The following MAP3K4 variants were observed in gnomAD, a reference collection of about 807,000 sequenced individuals.
MAP3K4 encodes the protein MAP three kinase 1.
Under a neutral mutation model 185.6 loss-of-function variants are expected in MAP3K4, and 67 were observed. The ratio of observed to expected loss-of-function variants is 0.36; its 90% CI spans 0.30 to 0.44. The LOEUF is 0.44. MAP3K4 is among the 20% of genes least tolerant of loss of function. MAP3K4 has a pLI of 1.00. For synonymous variants in MAP3K4, 702 were observed against 710.4 expected, an observed-to-expected ratio of 0.99 and a Z score of 0.19; for missense variants, 1,551 against 1,995.1, an observed-to-expected ratio of 0.78 and a Z score of 4.24.
At chr6:161,092,917 C>T (rs1204085604) in intron 13 of MAP3K4, 61 bp from the exon 14 acceptor site, 4 of 1,003,688 alleles carry the variant, frequency 4.0e-6, no homozygotes, top group Admixed American at 1.7e-5. Context: ...ATTGTACAGT[C>T]TAAAACTGCT....
intron 3 of MAP3K4, among the ~76,000 whole-genome samples, chr6:161,059,032 T>C (rs1784371650): frequency 6.6e-6 from 1 of 152,138 alleles, no homozygotes; most frequent in Admixed American, 6.5e-5. Flanking sequence ...GCCAAATTGC[T>C]CTCCAAAAAG....
Position 161,007,905 on chromosome 6 carries a change from A to T in MAP3K4, c.152+15822A>T, listed in dbSNP as rs1781668043. Among the ~76,000 whole-genome samples the T allele has an allele frequency of 6.6e-6, 1 of 152,228 alleles. No individual in the cohort carries two copies. Among genetic ancestry groups the T allele is most frequent in the South Asian group, 2.1e-4 (1 of 4,832 alleles). ...TTTATATCAGTTGTAGGGTACGGTGAAATATCAGAGATGTTAAAATTAGGG... is the reference window on the plus strand; with the variant it reads ...TTTATATCAGTTGTAGGGTACGGTGTAATATCAGAGATGTTAAAATTAGGG... On this transcript the variant is annotated intron_variant, in intron 1 of 26. Transcript: ENST00000392142. The surrounding 1 kb of genome is among the most constrained non-coding windows in gnomAD (Gnocchi z 4.5).
At chr6:161,033,067 A>G (rs888244338) in intron 1 of MAP3K4, among the ~76,000 whole-genome samples, 2 of 152,182 alleles carry the variant, frequency 1.3e-5, no homozygotes, top group African/African-American at 4.8e-5. Flanking sequence ...TTGTCAATCT[A>G]ATTCAGTAAT....
At chr6:161,072,120 A>G (rs963796339) in intron 4 of MAP3K4, among the ~76,000 whole-genome samples, 2 of 152,246 alleles carry the variant, frequency 1.3e-5, no homozygotes, top group Non-Finnish European at 2.9e-5. Flanking sequence ...GACATCTTTA[A>G]TAGAGAAATT....
At chr6:160,997,601 A>G (rs558155724) in intron 1 of MAP3K4, among the ~76,000 whole-genome samples, 2 of 152,224 alleles carry the variant, frequency 1.3e-5, no homozygotes, top group African/African-American at 2.4e-5. Context: ...AGCAAGAACA[A>G]ACAGACTATG....
At chr6:161,005,144 T>C (rs1350794230) in intron 1 of MAP3K4, among the ~76,000 whole-genome samples, 2 of 151,594 alleles carry the variant, frequency 1.3e-5, no homozygotes, top group East Asian at 1.9e-4. Context: ...ATAAACTTTT[T>C]TTTTTTTTTT....
At position 161,010,831 on chromosome 6, in the gene MAP3K4, G is replaced by T. The variant is rs554981987; in HGVS notation, c.152+18748G>T. On this transcript the variant is annotated intron_variant, in intron 1 of 26. Coordinates refer to ENST00000392142, the MANE Select transcript of MAP3K4 (RefSeq NM_005922.4). ...ACAACTCTGGAAATTTTGAGTTAAGGTTAATTAATTGAAGGCTGTGAGATT... is the reference window on the plus strand; with the variant it reads ...ACAACTCTGGAAATTTTGAGTTAAGTTTAATTAATTGAAGGCTGTGAGATT... Among the ~76,000 whole-genome samples the T allele has an allele frequency of 1.3e-4, 20 of 152,312 alleles. No individual in the cohort carries two copies. In the South Asian group the frequency reaches 3.9e-3, roughly 30 times the overall value.
chr6:161,021,150 C>T (rs753519409), intron 1 of MAP3K4, among the ~76,000 whole-genome samples: 13 of 152,152 alleles, frequency 8.5e-5, no homozygotes, highest in Non-Finnish European at 1.9e-4. Context: ...GTTTTATTAC[C>T]TCTTAGATAG....
At position 161,063,358 on chromosome 6, in the gene MAP3K4, T is replaced by G. The variant is rs1784563805; in HGVS notation, c.1708-7250T>G. On this transcript the variant is annotated intron_variant, in intron 3 of 26. Transcript: ENST00000392142. This position sits in a 1 kb window ranked among gnomAD's most constrained non-coding sequence, Gnocchi z 5.4. ...CTCACTGTCTGGAGGGTTATTCTCC[T>G]TTTTCTCTCTCTGCTTATGGTAACC... is the stretch of plus-strand genomic sequence containing the variant. Among the ~76,000 whole-genome samples the G allele has an allele frequency of 6.6e-6, 1 of 152,168 alleles. No individual in the cohort carries two copies. Among genetic ancestry groups the G allele is most frequent in the Non-Finnish European group, 1.5e-5 (1 of 68,024 alleles).
chr6:161,071,280 T>G lies in MAP3K4; in HGVS notation c.1950+430T>G, dbSNP rs1784929610. 6.6e-6 allele frequency among the ~76,000 whole-genome samples: 1 copy of G among 152,224 alleles called. No individual in the cohort carries two copies. Among genetic ancestry groups the G allele is most frequent in the Non-Finnish European group, 1.5e-5 (1 of 68,040 alleles). ...GTATGGTTTAAACAGTAGTGACAGC[T>G]TATGATTTCTTCGTTGTTGTTCATT... On this transcript the variant is annotated intron_variant, in intron 4 of 26. Coordinates refer to ENST00000392142, the MANE Select transcript of MAP3K4 (RefSeq NM_005922.4). The surrounding 1 kb of genome is among the most constrained non-coding windows in gnomAD (Gnocchi z 4.6).
intron 1 of MAP3K4, among the ~76,000 whole-genome samples, chr6:161,012,167 C>T (rs192028353): frequency 6.6e-6 from 1 of 152,248 alleles, no homozygotes; most frequent in East Asian, 1.9e-4. Flanking sequence ...AAATCCAGGC[C>T]CAATAGTCCT....
intron 1 of MAP3K4, among the ~76,000 whole-genome samples, chr6:160,997,370 A>T (rs1781047181): frequency 6.6e-6 from 1 of 152,236 alleles, no homozygotes; most frequent in Admixed American, 6.5e-5. Flanking sequence ...AAAAAGGATC[A>T]TGATGGTATC....
chr6:161,059,230 A>G (rs1784382541), intron 3 of MAP3K4, among the ~76,000 whole-genome samples: 1 of 151,940 alleles, frequency 6.6e-6, no homozygotes, highest in East Asian at 1.9e-4. Flanking sequence ...CCACCTCCCA[A>G]GTTCCAGCGA....
Position 161,112,002 on chromosome 6 carries a change from G to A in MAP3K4, c.4519+44G>A. ...GTTCTTTGCACTCTGACTTCATGCA[G>A]CCTGCTTGGGGCCTGCATGTTCCCT... is the stretch of plus-strand genomic sequence containing the variant. On this transcript the variant is annotated intron_variant, in intron 24 of 26. Transcript: ENST00000392142. The surrounding 1 kb of genome is among the most constrained non-coding windows in gnomAD (Gnocchi z 5.1). The A allele has an allele frequency of 6.2e-7, 1 of 1,607,268 alleles. No homozygotes were observed. Among genetic ancestry groups the A allele is most frequent in the Non-Finnish European group, 8.5e-7 (1 of 1,176,422 alleles).
chr6:161,016,410 A>G (rs771927602), intron 1 of MAP3K4, among the ~76,000 whole-genome samples: 1 of 152,156 alleles, frequency 6.6e-6, no homozygotes, highest in Non-Finnish European at 1.5e-5. Flanking sequence ...TATCATATCT[A>G]AGACCTCATT....
intron 6 of MAP3K4, 93 bp downstream of exon 6, chr6:161,081,131 A>G (rs1785433936): frequency 7.3e-7 from 1 of 1,374,618 alleles, no homozygotes. Context: ...TTGTATGTTT[A>G]GTTACATGAA....
chr6:161,103,525 A>G lies in MAP3K4; in HGVS notation c.3856+746A>G, dbSNP rs1329363523. ...AGGCAAGGAATAGAAGGAAGTGTGC[A>G]CCCAGAGGCCTCGTGACTACAGGGG... is the stretch of plus-strand genomic sequence containing the variant. On this transcript the variant is annotated intron_variant, in intron 19 of 26. Coordinates refer to ENST00000392142, the MANE Select transcript of MAP3K4 (RefSeq NM_005922.4). The surrounding 1 kb of genome is among the most constrained non-coding windows in gnomAD (Gnocchi z 4.6). Among the ~76,000 whole-genome samples, 1 of 152,208 alleles carries G rather than the reference A, an allele frequency of 6.6e-6. No individual in the cohort carries two copies. Among genetic ancestry groups the G allele is most frequent in the African/African-American group, 2.4e-5 (1 of 41,454 alleles).
intron 15 of MAP3K4, among the ~76,000 whole-genome samples, chr6:161,094,795 A>G (rs561391075): frequency 1.7e-3 from 261 of 152,348 alleles, no homozygotes; most frequent in African/African-American, 5.9e-3. Flanking sequence ...AGCATTTTAT[A>G]TAAAGCATGC....
intron 23 of MAP3K4, among the ~76,000 whole-genome samples, chr6:161,111,171 C>T (rs1190269917): frequency 6.6e-6 from 1 of 152,186 alleles, no homozygotes. Flanking sequence ...TGTCTAACTC[C>T]ATTGGCTCTG....
Sources: gnomAD v4.1 joint callset for allele counts (sites outside exome capture counted in the v4.1 genomes callset) on GRCh38, gnomAD v4.1.1 for gene constraint, Gnocchi (gnomAD v3.1) non-coding constraint, MANE v1.5 for transcripts, NCBI Gene and HGNC (gene_info 2026-07-23, HGNC 2026-07-21) for gene names.